Variants in MREG observed in about 807,000 individuals in gnomAD.
The protein encoded by MREG is melanoregulin.
MREG carries 31 observed loss-of-function variants against 28.5 expected under a neutral mutation model. That is an observed-to-expected ratio of 1.09 (90% confidence interval 0.82 to 1.47). The LOEUF is 1.47. Among genes scored for constraint, MREG ranks in the 40% most tolerant of loss-of-function variants. The probability of loss-of-function intolerance (pLI) is 0.00; values close to 1 mark genes in which losing one functional copy is unlikely to be tolerated. For missense variants in MREG, 256 were observed against 257.4 expected (o/e 0.99, Z 0.04); for synonymous variants, 106 against 95.2 (o/e 1.11, Z -0.66).
intron 2 of MREG, among the ~76,000 whole-genome samples, chr2:215,979,138 T>A (rs1693339661): frequency 6.6e-6 from 1 of 152,186 alleles, no homozygotes; most frequent in Non-Finnish European, 1.5e-5. Context: ...TACAAAGTTC[T>A]ATGTCTACAA....
chr2:216,009,275 T>C (rs1340751877), intron 1 of MREG, among the ~76,000 whole-genome samples: 1 of 152,040 alleles, frequency 6.6e-6, no homozygotes, highest in East Asian at 1.9e-4. Context: ...ACATGTATGT[T>C]AGCACTTCAG....
chr2:216,028,413 A>G (rs1302868626), intron 1 of MREG, among the ~76,000 whole-genome samples: 1 of 151,744 alleles, frequency 6.6e-6, no homozygotes, highest in Non-Finnish European at 1.5e-5. Flanking sequence ...CTGTAGTCCC[A>G]GCTACTCGGG....
intron 1 of MREG, among the ~76,000 whole-genome samples, chr2:215,999,496 T>G (rs1395770059): frequency 6.6e-6 from 1 of 152,186 alleles, no homozygotes; most frequent in East Asian, 1.9e-4. Context: ...AAGAAGCCCA[T>G]GAACCAACCA....
chr2:216,000,466 T>G (rs1693988587), intron 1 of MREG, among the ~76,000 whole-genome samples: 1 of 151,946 alleles, frequency 6.6e-6, no homozygotes, highest in African/African-American at 2.4e-5. Context: ...GCACAGAGCT[T>G]CCACCAAGAG....
At chr2:216,012,108 G>A (rs1694327771) in intron 1 of MREG, among the ~76,000 whole-genome samples, 1 of 152,190 alleles carries the variant, frequency 6.6e-6, no homozygotes, top group Non-Finnish European at 1.5e-5. Flanking sequence ...CTACATCCTA[G>A]AAGAGGAAGA....
At chr2:216,013,156 G>T in intron 1 of MREG, 77 bp downstream of exon 1, 1 of 1,298,722 alleles carries the variant, frequency 7.7e-7, no homozygotes. Context: ...ACTCACACAA[G>T]CACACAGGTG....
At chr2:216,020,481 C>A (rs1694503907) in intron 1 of MREG, among the ~76,000 whole-genome samples, 1 of 152,164 alleles carries the variant, frequency 6.6e-6, no homozygotes, top group Middle Eastern at 3.2e-3. Context: ...GCTTGACTCT[C>A]CTTGACCCAA....
intron 2 of MREG, among the ~76,000 whole-genome samples, chr2:215,967,614 T>G (rs1280404026): frequency 6.6e-6 from 1 of 152,192 alleles, no homozygotes; most frequent in East Asian, 1.9e-4. Flanking sequence ...GTATGAAAAA[T>G]TAAATCCACA....
intron 2 of MREG, among the ~76,000 whole-genome samples, chr2:215,992,592 G>T (rs1450694752): frequency 6.6e-6 from 1 of 152,090 alleles, no homozygotes. Flanking sequence ...AAGGAATAAA[G>T]GTATTCAAAT....
rs1475880046 is a variant in MREG, at chr2:215,987,621, C to T, written c.255+8685G>A. ...AGTGGAAGGGCGCAGTGGCTCACAT[C>T]TGTAATTCCAGCACTTTAGGAGGCC... On this transcript the variant is annotated intron_variant, in intron 2 of 4. Transcript: ENST00000263268. Among the ~76,000 whole-genome samples, 3 of 152,038 alleles carry T rather than the reference C, an allele frequency of 2.0e-5. 1 individual carries two copies. The highest frequency in any genetic ancestry group is 2.0e-4 in the Admixed American group (3 of 15,268).
chr2:215,995,509 ACC>A (rs1212242370), intron 2 of MREG, among the ~76,000 whole-genome samples: 5 of 95,140 alleles, frequency 5.3e-5, no homozygotes, highest in African/African-American at 1.9e-4. Context: ...CACCCACCCC[ACC>A]CCCCGCCACC....
chr2:216,021,866 C>A (rs1694526520), intron 1 of MREG, among the ~76,000 whole-genome samples: 1 of 152,190 alleles, frequency 6.6e-6, no homozygotes, highest in African/African-American at 2.4e-5. Flanking sequence ...TGAAAGGATT[C>A]AACTCAACAA....
At chr2:215,965,540 C>T (rs1263352006) in intron 2 of MREG, among the ~76,000 whole-genome samples, 1 of 152,222 alleles carries the variant, frequency 6.6e-6, no homozygotes, top group African/African-American at 2.4e-5. Flanking sequence ...GAAAAACCAA[C>T]AATCCTAGAA....
intron 1 of MREG, among the ~76,000 whole-genome samples, 176 bp from the exon 2 acceptor site, chr2:215,996,641 AC>A (rs1693882530): frequency 6.6e-6 from 1 of 152,238 alleles, no homozygotes; most frequent in Non-Finnish European, 1.5e-5. Context: ...AGCAGTAAAA[AC>A]AAACCAAAAA....
At chr2:215,980,175 G>A (rs563288431) in intron 2 of MREG, among the ~76,000 whole-genome samples, 8 of 151,932 alleles carry the variant, frequency 5.3e-5, no homozygotes, top group Non-Finnish European at 1.0e-4. Flanking sequence ...GCCAGCATCT[G>A]CCCTTTTCCT....
chr2:215,986,194 A>G (rs1693566386), intron 2 of MREG, among the ~76,000 whole-genome samples: 1 of 152,202 alleles, frequency 6.6e-6, no homozygotes, highest in Non-Finnish European at 1.5e-5. Context: ...AAGAAAACAT[A>G]TTTATTTAGC....
Position 215,979,623 on chromosome 2 carries a change from T to C in MREG, c.255+16683A>G, listed in dbSNP as rs74519953. On this transcript the variant is annotated intron_variant, in intron 2 of 4. Coordinates refer to ENST00000263268, the MANE Select transcript of MREG (RefSeq NM_018000.3). ...TGACACCAAGTAAGAAGTGCATTTC[T>C]GTTTGGGCACTACTGAGAAAAGTCA... is the stretch of plus-strand genomic sequence containing the variant. Among the ~76,000 whole-genome samples the C allele has an allele frequency of 6.2e-4, 95 of 152,132 alleles. No homozygotes were observed. In the East Asian group the frequency reaches 0.018, roughly 28 times the overall value.
intron 1 of MREG, among the ~76,000 whole-genome samples, chr2:215,998,307 C>CAAAAAAAAAAA (rs1222506866): frequency 8.1e-6 from 1 of 123,874 alleles, no homozygotes; most frequent in Non-Finnish European, 1.8e-5. Flanking sequence ...CTCCATCTCA[C>CAAAAAAAAAAA]AAAAAAAAAA....
chr2:215,973,387 G>A (rs966278993), intron 2 of MREG, among the ~76,000 whole-genome samples: 1 of 152,128 alleles, frequency 6.6e-6, no homozygotes, highest in African/African-American at 2.4e-5. Context: ...AGATGACAAA[G>A]AGCATTTTTG....
Sources: allele counts gnomAD v4.1 joint callset (sites outside exome capture counted in the v4.1 genomes callset), GRCh38; gene constraint gnomAD v4.1.1; transcripts MANE v1.5; gene names NCBI Gene and HGNC (gene_info 2026-07-23, HGNC 2026-07-21).